The following NDUFAF6 variants were observed in gnomAD, a reference collection of about 807,000 sequenced individuals.
NDUFAF6 encodes the protein NADH dehydrogenase (ubiquinone) complex I, assembly factor 6.
Under a neutral mutation model 40.8 loss-of-function variants are expected in NDUFAF6, and 45 were observed. The ratio of observed to expected loss-of-function variants is 1.10; its 90% confidence interval spans 0.87 to 1.42. NDUFAF6 has a LOEUF of 1.42. Ranked by LOEUF, NDUFAF6 falls within the 40% of genes most tolerant of loss-of-function variation. The pLI, the probability that NDUFAF6 is intolerant of heterozygous loss-of-function variation, is 0.00. For missense variants in NDUFAF6, 435 were observed against 418.5 expected, an observed-to-expected ratio of 1.04 and a Z score of -0.34; for synonymous variants, 185 against 155.9, an observed-to-expected ratio of 1.19 and a Z score of -1.39.
chr8:95,024,903 C>A, upstream of NDUFAF6: 2 of 1,002,878 alleles, frequency 2.0e-6, no homozygotes, highest in Non-Finnish European at 2.6e-6. Context: ...CGTCCAGAGG[C>A]TGCCTTCCCG....
At chr8:95,021,260 G>A (rs150320922), upstream of NDUFAF6, among the ~76,000 whole-genome samples, 444 of 152,270 alleles carry the variant, frequency 2.9e-3, 1 homozygote, top group African/African-American at 9.6e-3. Context: ...GGGGATTTGG[G>A]ATTATCACCA....
intron 1 of NDUFAF6, among the ~76,000 whole-genome samples, chr8:95,031,789 C>T (rs1258396260): frequency 3.9e-5 from 6 of 152,128 alleles, no homozygotes; most frequent in South Asian, 4.1e-4. Flanking sequence ...TTAGTAGAGA[C>T]GAGGTTTCAC....
chr8:95,044,323 T>A (rs190067605), intron 4 of NDUFAF6, among the ~76,000 whole-genome samples: 1 of 152,262 alleles, frequency 6.6e-6, no homozygotes, highest in East Asian at 1.9e-4. Flanking sequence ...TGCACAACTT[T>A]GTGTATATAC....
At position 95,031,853 on chromosome 8, in the gene NDUFAF6, G is replaced by C. The variant is rs185982398; in HGVS notation, c.198-142G>C. The C allele has an allele frequency of 7.9e-5, 58 of 736,386 alleles. No homozygotes were observed. In the African/African-American group the frequency reaches 9.8e-4, roughly 12 times the overall value. The allele number at this position is 736,386 out of a possible 1,614,324, so 45.6% of individuals were successfully genotyped here. On this transcript the variant is annotated intron_variant, in intron 1 of 8. Transcript: ENST00000396124. ...TGGCTTCAGGTGATCCGCCCGCCTT[G>C]GCCTCCCAAAGTGCTGGGATTACAG...
At chr8:94,986,632 A>G (rs186996585) in intron 2 of NDUFAF6, among the ~76,000 whole-genome samples, 1 of 152,316 alleles carries the variant, frequency 6.6e-6, no homozygotes, top group East Asian at 1.9e-4. Flanking sequence ...ATGCAATTCC[A>G]TGGGGTTTTC....
At chr8:95,104,281 TCC>T (rs1809748835), downstream of NDUFAF6, among the ~76,000 whole-genome samples, 1 of 152,218 alleles carries the variant, frequency 6.6e-6, no homozygotes, top group Non-Finnish European at 1.5e-5. Context: ...CAACTTGGGA[TCC>T]TCATTCTTCC....
At chr8:95,055,988 C>A (rs769258353) in intron 8 of NDUFAF6, among the ~76,000 whole-genome samples, 2 of 152,076 alleles carry the variant, frequency 1.3e-5, no homozygotes, top group Non-Finnish European at 2.9e-5. Context: ...TGCTTTTATT[C>A]CAAGAAGTCT....
chr8:95,001,992 A>G (rs1228291699), intron 2 of NDUFAF6, among the ~76,000 whole-genome samples: 1 of 152,250 alleles, frequency 6.6e-6, no homozygotes, highest in Non-Finnish European at 1.5e-5. Context: ...TTAGACACTC[A>G]GAGGATCAGA....
At chr8:95,052,534 C>T (rs911023014) in intron 8 of NDUFAF6, among the ~76,000 whole-genome samples, 9 of 152,142 alleles carry the variant, frequency 5.9e-5, no homozygotes, top group African/African-American at 2.2e-4. Flanking sequence ...CCTCAGTTTA[C>T]TCTTAGGTGA....
intron 1 of NDUFAF6, among the ~76,000 whole-genome samples, chr8:94,936,886 C>CA (rs1053645099): frequency 1.3e-5 from 2 of 152,108 alleles, no homozygotes; most frequent in African/African-American, 2.4e-5. Flanking sequence ...CTCTCAGGCA[C>CA]AAATACCAAT....
intron 2 of NDUFAF6, among the ~76,000 whole-genome samples, chr8:94,951,591 G>A (rs767835168): frequency 2.0e-4 from 30 of 152,174 alleles, no homozygotes; most frequent in Non-Finnish European, 4.4e-5. Flanking sequence ...TTTATTCCCA[G>A]TGGTGCACCA....
intron 1 of NDUFAF6, among the ~76,000 whole-genome samples, chr8:94,969,138 T>C (rs546448449): frequency 2.0e-5 from 3 of 152,244 alleles, no homozygotes; most frequent in South Asian, 2.1e-4. Flanking sequence ...CAGGATCAAA[T>C]TGCCATTTAA....
chr8:95,088,297 G>A (rs1809116067), intron 2 of NDUFAF6, among the ~76,000 whole-genome samples: 1 of 152,170 alleles, frequency 6.6e-6, no homozygotes, highest in Non-Finnish European at 1.5e-5. Context: ...CCCATTGGAT[G>A]GGGTCCTAAT....
chr8:95,099,356 GA>G (rs1042337983), upstream of NDUFAF6, among the ~76,000 whole-genome samples: 2 of 148,040 alleles, frequency 1.4e-5, no homozygotes, highest in African/African-American at 5.0e-5. Context: ...AAAAAGAAAA[GA>G]AAAAAAATGG....
intron 2 of NDUFAF6, among the ~76,000 whole-genome samples, chr8:95,094,355 T>G (rs546062758): frequency 7.7e-6 from 1 of 129,218 alleles, no homozygotes; most frequent in South Asian, 2.5e-4. Flanking sequence ...CCTTTTTCTT[T>G]CCTTCTTTCT....
chr8:94,904,588 T>C (rs1330023435), intron 1 of NDUFAF6, among the ~76,000 whole-genome samples: 3 of 152,098 alleles, frequency 2.0e-5, no homozygotes, highest in Admixed American at 2.0e-4. Context: ...TTTCTATTTT[T>C]TACTTTTCTT....
intron 3 of NDUFAF6, among the ~76,000 whole-genome samples, chr8:95,040,308 A>C (rs149441316): frequency 6.6e-6 from 1 of 152,342 alleles, no homozygotes; most frequent in Non-Finnish European, 1.5e-5. Flanking sequence ...ATGTAGAGGC[A>C]CAATTCGTCT....
intron 1 of NDUFAF6, among the ~76,000 whole-genome samples, chr8:94,913,447 C>T (rs968981254): frequency 6.6e-6 from 1 of 152,176 alleles, no homozygotes; most frequent in African/African-American, 2.4e-5. Flanking sequence ...TTGTTCCACC[C>T]ATGTTTATAA....
intron 1 of NDUFAF6, among the ~76,000 whole-genome samples, chr8:94,925,085 C>T (rs748942523): frequency 5.9e-5 from 9 of 152,172 alleles, no homozygotes; most frequent in Non-Finnish European, 1.2e-4. Context: ...CTCAAGTCAA[C>T]GTTCATGACC....
Sources: gnomAD v4.1 joint callset for allele counts (sites outside exome capture counted in the v4.1 genomes callset) on GRCh38, gnomAD v4.1.1 for gene constraint, MANE v1.5 for transcripts, NCBI Gene and HGNC (gene_info 2026-07-23, HGNC 2026-07-21) for gene names.